The following DGKB variants were observed in gnomAD, a reference collection of about 807,000 sequenced individuals.
The protein encoded by DGKB is 90 kDa diacylglycerol kinase.
Under a neutral mutation model 114.3 loss-of-function variants are expected in DGKB, and 67 were observed. That is an observed-to-expected ratio of 0.59 (90% confidence interval 0.48 to 0.72). DGKB has a LOEUF of 0.72. DGKB is among the 30% of genes least tolerant of loss of function. The pLI is 0.00. For synonymous variants in DGKB, 398 were observed against 323.1 expected, an observed-to-expected ratio of 1.23 and a Z score of -2.49; for missense variants, 907 against 975.2, an observed-to-expected ratio of 0.93 and a Z score of 0.93.
At chr7:14,152,062 G>C (rs1782291031) in intron 25 of DGKB, among the ~76,000 whole-genome samples, 1 of 152,004 alleles carries the variant, frequency 6.6e-6, no homozygotes, top group Non-Finnish European at 1.5e-5. Flanking sequence ...AACAGGGCCT[G>C]TAATTATGAC....
chr7:14,739,117 C>A (rs1365504888), intron 4 of DGKB, among the ~76,000 whole-genome samples: 1 of 152,104 alleles, frequency 6.6e-6, no homozygotes, highest in Non-Finnish European at 1.5e-5. Flanking sequence ...CGATGAAAGC[C>A]AGAAAAATAA....
At chr7:14,814,371 A>G (rs774426450) in intron 2 of DGKB, among the ~76,000 whole-genome samples, 1 of 152,188 alleles carries the variant, frequency 6.6e-6, no homozygotes, top group Non-Finnish European at 1.5e-5. Context: ...TTTTAAAATG[A>G]TAACACTGAG....
At chr7:14,264,377 C>A (rs140416839) in intron 23 of DGKB, among the ~76,000 whole-genome samples, 5 of 152,178 alleles carry the variant, frequency 3.3e-5, no homozygotes, top group African/African-American at 1.2e-4. Flanking sequence ...TGAAAACAAC[C>A]GCTTCTGGGG....
intron 20 of DGKB, among the ~76,000 whole-genome samples, chr7:14,508,059 C>T (rs1161115079): frequency 6.6e-6 from 1 of 152,148 alleles, no homozygotes; most frequent in Non-Finnish European, 1.5e-5. Context: ...ACCCAGATGA[C>T]TTCTCAATAG....
chr7:14,723,083 C>T (rs959600551), intron 5 of DGKB, among the ~76,000 whole-genome samples: 3 of 143,944 alleles, frequency 2.1e-5, no homozygotes, highest in Admixed American at 1.5e-4. Context: ...TTATCTTCCT[C>T]GATTGCAGTT....
intron 4 of DGKB, among the ~76,000 whole-genome samples, chr7:14,743,171 T>C (rs1476785274): frequency 6.6e-6 from 1 of 152,160 alleles, no homozygotes; most frequent in Non-Finnish European, 1.5e-5. Flanking sequence ...TAAGGTTTCA[T>C]TAGAAAATTG....
intron 21 of DGKB, among the ~76,000 whole-genome samples, chr7:14,423,673 C>A (rs539500815): frequency 2.0e-5 from 3 of 152,180 alleles, no homozygotes; most frequent in South Asian, 4.1e-4. Flanking sequence ...CAGAACAGAA[C>A]TTCTTTTACG....
intron 9 of DGKB, among the ~76,000 whole-genome samples, chr7:14,686,641 T>C (rs1364428527): frequency 6.6e-6 from 1 of 152,186 alleles, no homozygotes; most frequent in African/African-American, 2.4e-5. Flanking sequence ...TGCTCCTAAC[T>C]ACCTTTCCTA....
intron 21 of DGKB, among the ~76,000 whole-genome samples, chr7:14,434,269 C>G (rs1828915363): frequency 2.0e-5 from 3 of 152,098 alleles, no homozygotes; most frequent in Non-Finnish European, 4.4e-5. Context: ...CCAACTATGT[C>G]CACGTCTCAA....
intron 13 of DGKB, among the ~76,000 whole-genome samples, chr7:14,646,700 T>C (rs1585313619): frequency 1.3e-5 from 2 of 152,034 alleles, no homozygotes; most frequent in African/African-American, 4.8e-5. Flanking sequence ...TTGGAAATTG[T>C]ACAAATACAT....
chr7:14,543,601 T>G (rs1398081573), intron 20 of DGKB, among the ~76,000 whole-genome samples: 1 of 152,174 alleles, frequency 6.6e-6, no homozygotes, highest in Non-Finnish European at 1.5e-5. Context: ...GAACTTCACT[T>G]CTCTTCAGTG....
chr7:14,521,023 T>A (rs747926042), intron 20 of DGKB, among the ~76,000 whole-genome samples: 6 of 152,144 alleles, frequency 3.9e-5, no homozygotes, highest in Non-Finnish European at 7.4e-5. Context: ...GAATATGTTA[T>A]TCCACTATCT....
chr7:14,825,434 T>C (rs1298921593), intron 2 of DGKB, among the ~76,000 whole-genome samples: 3 of 152,058 alleles, frequency 2.0e-5, no homozygotes, highest in Admixed American at 6.6e-5. Flanking sequence ...GATGGTCCCA[T>C]TGGGGATGAT....
At chr7:14,690,155 G>A (rs962031660) in intron 9 of DGKB, among the ~76,000 whole-genome samples, 26 of 152,110 alleles carry the variant, frequency 1.7e-4, no homozygotes, top group Non-Finnish European at 7.4e-5. Flanking sequence ...ATTAAATGAC[G>A]ATCCAAAGTT....
intron 20 of DGKB, among the ~76,000 whole-genome samples, chr7:14,514,339 T>C (rs1788438901): frequency 6.6e-6 from 1 of 152,136 alleles, no homozygotes; most frequent in African/African-American, 2.4e-5. Context: ...TATATGAGGA[T>C]CATTTTTCCA....
intron 23 of DGKB, among the ~76,000 whole-genome samples, chr7:14,232,370 A>G (rs1792026478): frequency 1.1e-5 from 1 of 95,006 alleles, no homozygotes; most frequent in Non-Finnish European, 1.9e-5. Context: ...AGAGTAAGTT[A>G]GTGAAAAAAA....
intron 21 of DGKB, among the ~76,000 whole-genome samples, chr7:14,359,641 T>C (rs182616443): frequency 6.6e-6 from 1 of 152,004 alleles, no homozygotes; most frequent in South Asian, 2.1e-4. Flanking sequence ...AACAACCCCA[T>C]CAAAAAGTGG....
In DGKB at chr7:14,799,525, A is replaced by G. The variant is rs543482180; in HGVS notation, c.70+41669T>C. Among the ~76,000 whole-genome samples the G allele has an allele frequency of 2.2e-4, 34 of 152,352 alleles. No homozygotes were observed. The South Asian group carries it at 5.2e-3, about 23-fold the overall frequency. ...TAAAATTCAAGATCATTCTGTCTCAATGGGATTTTTAGAGCTCCAGTGGTG... is the reference window on the plus strand; with the variant it reads ...TAAAATTCAAGATCATTCTGTCTCAGTGGGATTTTTAGAGCTCCAGTGGTG... On this transcript the variant is annotated intron_variant, in intron 2 of 25. Coordinates refer to ENST00000402815, the MANE Select transcript of DGKB (RefSeq NM_001350709.2).
intron 1 of DGKB, among the ~76,000 whole-genome samples, chr7:14,920,797 A>ATGAAATATT (rs1784476766): frequency 6.6e-6 from 1 of 152,210 alleles, no homozygotes; most frequent in Non-Finnish European, 1.5e-5. Flanking sequence ...CGTCTCTAAA[A>ATGAAATATT]TGAAATATTA....
Sources: gnomAD v4.1 joint callset for allele counts (sites outside exome capture counted in the v4.1 genomes callset) on GRCh38, gnomAD v4.1.1 for gene constraint, MANE v1.5 for transcripts, NCBI Gene and HGNC (gene_info 2026-07-23, HGNC 2026-07-21) for gene names.